The following SPTLC2 variants were observed in gnomAD, a reference collection of about 807,000 sequenced individuals.
SPTLC2 encodes serine palmitoyltransferase 2.
SPTLC2 carries 21 observed loss-of-function variants against 62.0 expected under a neutral mutation model. The observed-to-expected ratio is 0.34, with a 90% CI of 0.24 to 0.49. SPTLC2 has a LOEUF of 0.49. Among genes scored for constraint, SPTLC2 ranks in the 20% least tolerant of loss-of-function variants. The pLI is 0.99. For synonymous variants in SPTLC2, 261 were observed against 261.8 expected, an observed-to-expected ratio of 1.00 and a Z score of 0.03; for missense variants, 511 against 713.0, an observed-to-expected ratio of 0.72 and a Z score of 3.23.
chr14:77,600,699 T>C (rs17751980), intron 1 of SPTLC2, among the ~76,000 whole-genome samples: 13,565 of 152,280 alleles, frequency 0.089, 808 homozygotes, highest in Admixed American at 0.18. Context: ...ATTAGCATTA[T>C]TAATCAAGGA....
chr14:77,542,785 C>A (rs2079508400), intron 9 of SPTLC2, among the ~76,000 whole-genome samples: 1 of 152,148 alleles, frequency 6.6e-6, no homozygotes, highest in Non-Finnish European at 1.5e-5. Context: ...GTTTATCACC[C>A]CCACCCTCTT....
chr14:77,512,133 G>T lies in SPTLC2; in HGVS notation c.*151C>A. On this transcript the variant is annotated 3_prime_UTR_variant, in exon 12 of 12. Transcript: ENST00000216484. ...AGCAGTTTTTTACTATTTACAAAAT[G>T]TCATTTAGAGTGGAGGTGGCCACCT... is the stretch of plus-strand genomic sequence containing the variant. The T allele has an allele frequency of 9.9e-7, 1 of 1,006,268 alleles. No individual in the cohort carries two copies. Among genetic ancestry groups the T allele is most frequent in the Non-Finnish European group, 1.5e-6 (1 of 664,234 alleles). The allele number at this position is 1,006,268 out of a possible 1,614,324, so 62.3% of individuals were successfully genotyped here.
rs75104572 is a variant in SPTLC2, at chr14:77,575,446, G to A, written c.631+1321C>T. Among the ~76,000 whole-genome samples, 628 of 152,276 alleles carry A rather than the reference G, an allele frequency of 4.1e-3. 7 individuals carry two copies. Among genetic ancestry groups the A allele is most frequent in the African/African-American group, 0.014 (566 of 41,558 alleles). ...CCCTTGAATCTGGGCTGACCTTAGCGACGCTTTGGCCAATAGAAGAGGCAT... is the reference window on the plus strand; with the variant it reads ...CCCTTGAATCTGGGCTGACCTTAGCAACGCTTTGGCCAATAGAAGAGGCAT... On this transcript the variant is annotated intron_variant, in intron 4 of 11. Coordinates refer to ENST00000216484, the MANE Select transcript of SPTLC2 (RefSeq NM_004863.4).
intron 1 of SPTLC2, among the ~76,000 whole-genome samples, chr14:77,609,839 C>T (rs1462881860): frequency 6.6e-6 from 1 of 152,126 alleles, no homozygotes; most frequent in African/African-American, 2.4e-5. Context: ...TGCGGTGAGC[C>T]ATGTCCTGCC....
At chr14:77,554,451 C>T (rs767980759) in intron 8 of SPTLC2, among the ~76,000 whole-genome samples, 1 of 152,210 alleles carries the variant, frequency 6.6e-6, no homozygotes, top group Non-Finnish European at 1.5e-5. Context: ...AACTACTAAT[C>T]TACTTTCTGT....
chr14:77,597,154 AT>A lies in SPTLC2; in HGVS notation c.327+31del, dbSNP rs1255020597. 3 of 1,606,634 alleles carry A rather than the reference AT, an allele frequency of 1.9e-6. No homozygotes were observed. The South Asian group carries it at 3.3e-5, about 18-fold the overall frequency. On this transcript the variant is annotated intron_variant, in intron 2 of 11. Coordinates refer to ENST00000216484, the MANE Select transcript of SPTLC2 (RefSeq NM_004863.4). ...ACTAAGATTTCCATAAAAGGCTTCTATTTACAGAATCAAAAACTCTCTAACA... is the reference window on the plus strand; with the variant it reads ...ACTAAGATTTCCATAAAAGGCTTCTATTACAGAATCAAAAACTCTCTAACA...
intron 4 of SPTLC2, among the ~76,000 whole-genome samples, 173 bp from the exon 5 acceptor site, chr14:77,570,681 T>C (rs2079676932): frequency 1.3e-5 from 2 of 152,214 alleles, no homozygotes; most frequent in African/African-American, 2.4e-5. Context: ...AAGAGTAATA[T>C]GTGCTCATAA....
At chr14:77,575,009 A>G (rs1011970400) in intron 4 of SPTLC2, among the ~76,000 whole-genome samples, 1 of 152,162 alleles carries the variant, frequency 6.6e-6, no homozygotes, top group Non-Finnish European at 1.5e-5. Context: ...GGATTTCAAG[A>G]ACACCCTGGG....
chr14:77,555,016 G>A (rs1278304769), intron 8 of SPTLC2: 6 of 424,220 alleles, frequency 1.4e-5, no homozygotes, highest in Middle Eastern at 7.1e-4. Context: ...AGGCTGGGGC[G>A]GGCAGGGAGC....
chr14:77,603,433 T>G (rs145302930), intron 1 of SPTLC2, among the ~76,000 whole-genome samples: 47 of 152,340 alleles, frequency 3.1e-4, no homozygotes, highest in African/African-American at 9.9e-4. Context: ...TACTGAAATG[T>G]ACTGGCCTCT....
At chr14:77,598,345 T>C (rs1049552437) in intron 1 of SPTLC2, among the ~76,000 whole-genome samples, 2 of 152,174 alleles carry the variant, frequency 1.3e-5, no homozygotes, top group Admixed American at 1.3e-4. Context: ...GCATAATTTC[T>C]TTTGTTCTAA....
chr14:77,510,838 T>C lies in SPTLC2; in HGVS notation c.*1446A>G, dbSNP rs1432670399. 1 of 152,628 alleles carries C rather than the reference T, an allele frequency of 6.6e-6. No individual in the cohort carries two copies. Among genetic ancestry groups the C allele is most frequent in the Non-Finnish European group, 1.5e-5 (1 of 68,038 alleles). 9.5% of individuals were successfully genotyped at this position (152,628 alleles called of 1,614,324 possible). A position where few individuals can be genotyped will look rare whatever the true frequency, so the allele number is the denominator to read the frequency against. On this transcript the variant is annotated 3_prime_UTR_variant, in exon 12 of 12. Coordinates refer to ENST00000216484, the MANE Select transcript of SPTLC2 (RefSeq NM_004863.4). ...CCAATCCTTCTCCTGTAATACTTGA[T>C]GGATACAAAAAGACAAACTGATCCT...
intron 2 of SPTLC2, among the ~76,000 whole-genome samples, chr14:77,586,523 G>A (rs1301770200): frequency 6.6e-6 from 1 of 152,138 alleles, no homozygotes; most frequent in African/African-American, 2.4e-5. Flanking sequence ...GCCAAAAGGT[G>A]GTAACAAAAT....
At chr14:77,524,899 T>C (rs968631713) in intron 9 of SPTLC2, among the ~76,000 whole-genome samples, 4 of 151,990 alleles carry the variant, frequency 2.6e-5, no homozygotes, top group African/African-American at 7.3e-5. Context: ...GGTACAAACA[T>C]ATAGTTAGAT....
intron 9 of SPTLC2, among the ~76,000 whole-genome samples, chr14:77,544,773 G>A (rs1259212002): frequency 6.6e-6 from 1 of 152,178 alleles, no homozygotes; most frequent in Non-Finnish European, 1.5e-5. Context: ...CATTCTTGCA[G>A]AATCCAGTTT....
chr14:77,599,472 G>A (rs779196370), intron 1 of SPTLC2, among the ~76,000 whole-genome samples: 1 of 152,216 alleles, frequency 6.6e-6, no homozygotes, highest in Non-Finnish European at 1.5e-5. Flanking sequence ...TCCCCGTAAT[G>A]TTAGTTTTGG....
intron 6 of SPTLC2, among the ~76,000 whole-genome samples, chr14:77,557,743 G>A (rs1328341586): frequency 2.6e-5 from 4 of 152,152 alleles, no homozygotes; most frequent in Non-Finnish European, 5.9e-5. Flanking sequence ...AAGCAAGCCT[G>A]ACAATCAGTT....
intron 9 of SPTLC2, among the ~76,000 whole-genome samples, chr14:77,534,414 C>T (rs538823167): frequency 3.3e-5 from 5 of 152,060 alleles, no homozygotes; most frequent in African/African-American, 1.2e-4. Context: ...ATACATACAG[C>T]GGTTGTGGAT....
chr14:77,574,372 T>C (rs2079701730), intron 4 of SPTLC2, among the ~76,000 whole-genome samples: 1 of 152,178 alleles, frequency 6.6e-6, no homozygotes, highest in South Asian at 2.1e-4. Flanking sequence ...TAAAAATGAA[T>C]AGGAACCCTC....
Sources: gnomAD v4.1 joint callset for allele counts (sites outside exome capture counted in the v4.1 genomes callset) on GRCh38, gnomAD v4.1.1 for gene constraint, MANE v1.5 for transcripts, NCBI Gene and HGNC (gene_info 2026-07-23, HGNC 2026-07-21) for gene names.